Variants in ADH5 observed in about 807,000 individuals in gnomAD.
The protein encoded by ADH5 is alcohol dehydrogenase 5 (class III), chi polypeptide, also known as alcohol dehydrogenase class-3.
Under a neutral mutation model 40.3 loss-of-function variants are expected in ADH5, and 32 were observed. That is an observed-to-expected ratio of 0.79 (90% CI 0.60 to 1.07). The LOEUF (loss-of-function observed/expected upper bound fraction) is 1.07. Ranked by LOEUF, ADH5 falls within the 50% of genes least tolerant of loss-of-function variation. ADH5 has a pLI of 0.00. For missense variants in ADH5, 353 were observed against 460.5 expected (o/e 0.77, Z 2.14); for synonymous variants, 125 against 154.3 (o/e 0.81, Z 1.41).
rs1221159001 is a variant in ADH5, at chr4:99,071,701, C to T, written c.*716G>A. On this transcript the variant is annotated 3_prime_UTR_variant, in exon 9 of 9. Coordinates refer to ENST00000296412, the MANE Select transcript of ADH5 (RefSeq NM_000671.4). ...GAGGGGAGGAATGGCAATGTGATCTCGAAGTGGCAAAATGTTAAGATTTGA... is the reference window on the plus strand; with the variant it reads ...GAGGGGAGGAATGGCAATGTGATCTTGAAGTGGCAAAATGTTAAGATTTGA... 2 of 152,090 alleles carry T rather than the reference C, an allele frequency of 1.3e-5. No individual in the cohort carries two copies. Among genetic ancestry groups the T allele is most frequent in the African/African-American group, 4.8e-5 (2 of 41,396 alleles). 9.4% of individuals were successfully genotyped at this position (152,090 alleles called of 1,614,324 possible).
intron 7 of ADH5, among the ~76,000 whole-genome samples, chr4:99,073,239 C>A (rs1003629823): frequency 6.6e-6 from 1 of 152,204 alleles, no homozygotes; most frequent in Non-Finnish European, 1.5e-5. Context: ...AGTACAGTTG[C>A]GTGATCTCAG....
chr4:99,088,401 T>C (rs979402482), intron 1 of ADH5, among the ~76,000 whole-genome samples: 2 of 152,142 alleles, frequency 1.3e-5, no homozygotes, highest in Admixed American at 6.6e-5. Context: ...TCCACTGGGA[T>C]ACCGACCTGA....
chr4:99,076,417 C>G lies in ADH5; in HGVS notation c.700G>C (p.Glu234Gln), dbSNP rs779401358. The stretch of plus-strand genomic sequence containing the variant: ...TTAATACATTCAGTGGCTCCAAACT[C>G]TTTGGCCCTTGCAAATTTATCTTTA... The part of the protein sequence containing the change: ...INKDKFARAK[E>Q]FGATECINPQ... The change falls in exon 6 of 9, where the codon GAG becomes CAG. Residue 234 changes from glutamate (E) to glutamine (Q), a missense_variant. Glu to Gln is a conservative substitution (Grantham distance 29). Coordinates refer to ENST00000296412, the MANE Select transcript of ADH5 (RefSeq NM_000671.4). The G allele has an allele frequency of 1.2e-6, 2 of 1,614,202 alleles. No homozygotes were observed. The highest frequency in any genetic ancestry group is 1.7e-6 in the Non-Finnish European group (2 of 1,180,038).
At chr4:99,077,269 T>C (rs1579362225) in intron 4 of ADH5, among the ~76,000 whole-genome samples, 1 of 152,100 alleles carries the variant, frequency 6.6e-6, no homozygotes, top group African/African-American at 2.4e-5. Context: ...ACTCCTATAA[T>C]CCCAGTACTT....
At chr4:99,086,416 A>C (rs538979025) in intron 1 of ADH5, among the ~76,000 whole-genome samples, 2 of 152,330 alleles carry the variant, frequency 1.3e-5, no homozygotes, top group South Asian at 4.1e-4. Context: ...AAAGGTTGTA[A>C]GCCACTGGGT....
intron 4 of ADH5, among the ~76,000 whole-genome samples, chr4:99,079,024 A>T (rs866137068): frequency 6.6e-6 from 1 of 152,196 alleles, no homozygotes; most frequent in Admixed American, 6.5e-5. Flanking sequence ...ATATAAACTA[A>T]TTTTGTCAAT....
intron 4 of ADH5, among the ~76,000 whole-genome samples, chr4:99,081,043 G>A (rs1728017155): frequency 6.6e-6 from 1 of 152,132 alleles, no homozygotes; most frequent in African/African-American, 2.4e-5. Context: ...GCAGCTGCAA[G>A]GTCACTAGAC....
chr4:99,072,882 A>G (rs1034948950), intron 7 of ADH5, among the ~76,000 whole-genome samples, 171 bp from the exon 8 acceptor site: 7 of 152,230 alleles, frequency 4.6e-5, no homozygotes, highest in Non-Finnish European at 8.8e-5. Context: ...TCAGTGAAGA[A>G]GTAAATACTT....
chr4:99,083,132 T>A (rs942680802), intron 2 of ADH5, among the ~76,000 whole-genome samples: 1 of 152,242 alleles, frequency 6.6e-6, no homozygotes, highest in South Asian at 2.1e-4. Context: ...GTACTCATTG[T>A]GTCCATACAG....
In ADH5 at chr4:99,076,326, T is replaced by C. The variant is rs745341017; in HGVS notation, c.791A>G (p.Tyr264Cys). 3.2e-5 allele frequency: 52 copies of C among 1,613,994 alleles called. No homozygotes were observed. Among genetic ancestry groups the C allele is most frequent in the East Asian group, 8.9e-5 (4 of 44,906 alleles). The change falls in exon 6 of 9, where the codon TAT becomes TGT. Residue 264 changes from tyrosine to cysteine, a missense_variant. Tyr to Cys is a radical substitution (Grantham distance 194, BLOSUM62 -2). Transcript: ENST00000296412. Reference sequence around the variant, plus strand: ...CACATTACCAATACATTCAAAGGAATAGTCCACTCCTCCATCGGTCATCTC... The same window carrying C: ...CACATTACCAATACATTCAAAGGAACAGTCCACTCCTCCATCGGTCATCTC... ...LIEMTDGGVD[Y>C]SFECIGNVKV...
rs28730646 is a variant in ADH5 at position 99,072,327 on chromosome 4, C to A, written c.*90G>T. ...TTTCTGGAGTAGCTGTGAAGCTCTA[C>A]GAGGCTGTGAGGTTGGAGGCGCTTC... On this transcript the variant is annotated 3_prime_UTR_variant, in exon 9 of 9. Transcript: ENST00000296412. The A allele has an allele frequency of 0.032, 38,383 of 1,213,542 alleles. 765 individuals are homozygous for A. Among genetic ancestry groups the A allele is most frequent in the Non-Finnish European group, 0.039 (32,197 of 835,634 alleles). 75.2% of individuals were successfully genotyped at this position (1,213,542 alleles called of 1,614,324 possible).
At chr4:99,080,041 T>TATA in intron 4 of ADH5, 1 of 451,890 alleles carries the variant, frequency 2.2e-6, no homozygotes, top group African/African-American at 2.0e-5. Context: ...AAAGTTACTA[T>TATA]TAATACAATG....
chr4:99,088,776 A>C lies in ADH5; in HGVS notation c.-76T>G. ...CAGCGACGGAGGCATGGGCGTGGCG[A>C]GCGCCTAGCGAGGGGGGCGGGGCGT... On this transcript the variant is annotated 5_prime_UTR_variant, in exon 1 of 9. Transcript: ENST00000296412. 5 of 753,008 alleles carry C rather than the reference A, an allele frequency of 6.6e-6. No homozygotes were observed. The highest frequency in any genetic ancestry group is 9.4e-6 in the Non-Finnish European group (5 of 532,728). 46.6% of individuals were successfully genotyped at this position (753,008 alleles called of 1,614,324 possible). A position where few individuals can be genotyped will look rare whatever the true frequency, so the allele number is the denominator to read the frequency against.
At position 99,084,755 on chromosome 4, in the gene ADH5, G is replaced by GT. The variant is rs1382894140; in HGVS notation, c.114+359dup. 6.6e-5 allele frequency among the ~76,000 whole-genome samples: 10 copies of GT among 152,232 alleles called. No individual in the cohort carries two copies. In the East Asian group the frequency reaches 1.7e-3, roughly 26 times the overall value. ...GGGTCAGAATAAGGACCCCTTTCTG[G>GT]TAACATTTCTTCTTTTGTTTCTAAC... is the stretch of plus-strand genomic sequence containing the variant. On this transcript the variant is annotated intron_variant, in intron 2 of 8. Transcript: ENST00000296412.
Position 99,074,722 on chromosome 4 carries a change from C to G in ADH5, c.961+192G>C, listed in dbSNP as rs374598757. ...TTTCAGGTGAGCACCACCCTCCCCC[C>G]CAAGTCCCAGGGGTAAATAGTGATT... On this transcript the variant is annotated intron_variant, in intron 7 of 8. Transcript: ENST00000296412. Among the ~76,000 whole-genome samples, 45 of 152,258 alleles carry G rather than the reference C, an allele frequency of 3.0e-4. 1 individual carries two copies. Among genetic ancestry groups the G allele is most frequent in the South Asian group, 1.2e-3 (6 of 4,818 alleles).
At chr4:99,083,517 T>C (rs1460298932) in intron 2 of ADH5, among the ~76,000 whole-genome samples, 2 of 146,998 alleles carry the variant, frequency 1.4e-5, no homozygotes, top group Non-Finnish European at 3.0e-5. Flanking sequence ...GGAGAATTGC[T>C]TGAACCTGGG....
chr4:99,087,534 A>G (rs1159286785), intron 1 of ADH5, among the ~76,000 whole-genome samples: 3 of 152,190 alleles, frequency 2.0e-5, no homozygotes, highest in Non-Finnish European at 4.4e-5. Flanking sequence ...TTTCATTTCA[A>G]TGTGCCATAA....
intron 3 of ADH5, 112 bp downstream of exon 3, chr4:99,081,863 A>ATTT: frequency 9.5e-7 from 1 of 1,055,076 alleles, no homozygotes; most frequent in Non-Finnish European, 1.3e-6. Context: ...AATCTTGACA[A>ATTT]TCTACTTAGA....
chr4:99,083,818 T>A (rs1728075441), intron 2 of ADH5, among the ~76,000 whole-genome samples: 1 of 152,038 alleles, frequency 6.6e-6, no homozygotes. Flanking sequence ...TAATTTTATA[T>A]CAAAACAAGT....
Sources: gnomAD v4.1 joint callset for allele counts (sites outside exome capture counted in the v4.1 genomes callset) on GRCh38, gnomAD v4.1.1 for gene constraint, MANE v1.5 for transcripts, NCBI Gene and HGNC (gene_info 2026-07-23, HGNC 2026-07-21) for gene names.